Variants in LAMA2 observed in about 807,000 individuals in gnomAD.
The protein encoded by LAMA2 is laminin subunit alpha-2.
A neutral mutation model predicts 364.8 loss-of-function variants in LAMA2; 269 were observed. That is an observed-to-expected ratio of 0.74 (90% confidence interval 0.67 to 0.82). The LOEUF (loss-of-function observed/expected upper bound fraction) is 0.82. Among genes scored for constraint, LAMA2 ranks in the 40% least tolerant of loss-of-function variants. The probability of loss-of-function intolerance (pLI) is 0.00; values close to 1 mark genes in which losing one functional copy is unlikely to be tolerated. For synonymous variants in LAMA2, 1,379 were observed against 1,370.6 expected, an observed-to-expected ratio of 1.01 and a Z score of -0.14; for missense variants, 3,807 against 3,873.2, an observed-to-expected ratio of 0.98 and a Z score of 0.45.
chr6:129,427,957 T>A, intron 41 of LAMA2, 103 bp downstream of exon 41: 2 of 800,182 alleles, frequency 2.5e-6, no homozygotes, highest in Non-Finnish European at 4.3e-6. Context: ...AGCATGATTT[T>A]TGTGATGATT....
At chr6:129,070,491 A>T (rs1217531946) in intron 3 of LAMA2, among the ~76,000 whole-genome samples, 1 of 152,122 alleles carries the variant, frequency 6.6e-6, no homozygotes, top group South Asian at 2.1e-4. Flanking sequence ...TAATATTTCT[A>T]TGGAGAAAGC....
intron 1 of LAMA2, among the ~76,000 whole-genome samples, chr6:128,971,183 CTTTGAAGCAT>C (rs370011079): frequency 1.4e-3 from 220 of 152,270 alleles, no homozygotes; most frequent in Middle Eastern, 0.014. Context: ...AGTGAAAGCA[CTTTGAAGCAT>C]TTTGTTACAC....
At chr6:129,258,922 A>G (rs1329283738) in intron 14 of LAMA2, among the ~76,000 whole-genome samples, 2 of 152,078 alleles carry the variant, frequency 1.3e-5, no homozygotes, top group African/African-American at 4.8e-5. Flanking sequence ...GTTGTCCAAG[A>G]TGTGCCCCTA....
Position 129,320,599 on chromosome 6 carries a change from G to T in LAMA2, c.4120G>T (p.Ala1374Ser). 2.5e-6 allele frequency: 4 copies of T among 1,613,750 alleles called. No individual in the cohort carries two copies. The highest frequency in any genetic ancestry group is 3.4e-6 in the Non-Finnish European group (4 of 1,179,732). ...ACGTGGAACAACAATGACTCCTCCA[G>T]CTGACTTGATTGAAAAATGTGATTG... is the stretch of plus-strand genomic sequence containing the variant. ...QGRGTTMTPPADLIEKCDCPL... is the reference protein window; with the variant it reads ...QGRGTTMTPPSDLIEKCDCPL... Residue 1374 changes from alanine (A) to serine (S), a missense_variant, in exon 28 of 65, where the codon GCT becomes TCT. This residue lies in a region of LAMA2 where 3,333 missense variants were observed against 3,345.7 expected (regional missense o/e 1.00). Transcript: ENST00000421865.
intron 3 of LAMA2, among the ~76,000 whole-genome samples, chr6:129,097,565 G>A (rs7772780): frequency 0.097 from 14,676 of 152,072 alleles, 913 homozygotes; most frequent in African/African-American, 0.17. Flanking sequence ...GGTTCAATCC[G>A]TTGTCTTCAT....
chr6:129,219,290 C>A (rs1783633012), intron 12 of LAMA2, among the ~76,000 whole-genome samples: 1 of 152,154 alleles, frequency 6.6e-6, no homozygotes, highest in African/African-American at 2.4e-5. Flanking sequence ...CCATCTCACA[C>A]CAATTAGAAT....
At chr6:128,933,230 CTGTGTGTGTGTGTGTGTGTGTG>C (rs71028134) in intron 1 of LAMA2, among the ~76,000 whole-genome samples, 1 of 146,188 alleles carries the variant, frequency 6.8e-6, no homozygotes, top group African/African-American at 2.5e-5. Context: ...CCCTCTCTTT[CTGTGTGTGTGTGTGTGTGTGTG>C]TGTGTGTGTG....
chr6:129,252,522 C>T (rs1351916933), intron 14 of LAMA2, among the ~76,000 whole-genome samples: 2 of 152,084 alleles, frequency 1.3e-5, no homozygotes, highest in East Asian at 3.9e-4. Context: ...GATTCTTTCA[C>T]AATTGTCAGA....
intron 22 of LAMA2, among the ~76,000 whole-genome samples, chr6:129,301,080 T>C (rs560828937): frequency 9.9e-5 from 15 of 152,226 alleles, no homozygotes; most frequent in African/African-American, 3.6e-4. Context: ...AGCTGAACAC[T>C]TGAAATCTAC....
chr6:129,312,810 A>G (rs1379701213), intron 22 of LAMA2, 51 bp from the exon 23 acceptor site: 3 of 1,247,720 alleles, frequency 2.4e-6, no homozygotes, highest in East Asian at 2.4e-5. Flanking sequence ...AAATTTTAAG[A>G]TATTTCCCAT....
At chr6:129,411,379 G>GA (rs990763693) in intron 40 of LAMA2, among the ~76,000 whole-genome samples, 122 of 152,188 alleles carry the variant, frequency 8.0e-4, no homozygotes, top group African/African-American at 2.7e-3. Flanking sequence ...ATTTCTCATA[G>GA]AAAAAATGAT....
intron 27 of LAMA2, among the ~76,000 whole-genome samples, chr6:129,318,552 A>G (rs1774758903): frequency 6.6e-6 from 1 of 152,206 alleles, no homozygotes; most frequent in Admixed American, 6.5e-5. Context: ...TCCTCGGGCT[A>G]TAAAATTCCA....
intron 1 of LAMA2, among the ~76,000 whole-genome samples, chr6:129,038,503 G>A (rs113123595): frequency 4.6e-5 from 7 of 152,310 alleles, no homozygotes; most frequent in Non-Finnish European, 7.4e-5. Context: ...AAACCAGGGT[G>A]AGAAGATGGC....
At position 129,315,586 on chromosome 6, in the gene LAMA2, C is replaced by A. The variant is rs373992160; in HGVS notation, c.3666C>A (p.Asp1222Glu). The change falls in exon 25 of 65, where the codon GAC becomes GAA. Residue 1222 changes from aspartate to glutamate, a missense_variant. Asp to Glu is a conservative substitution (Grantham distance 45). Coordinates refer to ENST00000421865, the MANE Select transcript of LAMA2 (RefSeq NM_000426.4). ...ATCCAGAGATTGTTGCCCACATGGACCTGATGAGAGAAGATCTCCATTTGG... is the reference window on the plus strand; with the variant it reads ...ATCCAGAGATTGTTGCCCACATGGAACTGATGAGAGAAGATCTCCATTTGG... ...FQHPEIVAHM[D>E]LMREDLHLEP... 23 of 1,613,898 alleles carry A rather than the reference C, an allele frequency of 1.4e-5. No homozygotes were observed. In the African/African-American group the frequency reaches 2.9e-4, roughly 21 times the overall value.
chr6:128,911,883 A>G (rs1419734645), intron 1 of LAMA2, among the ~76,000 whole-genome samples: 1 of 152,140 alleles, frequency 6.6e-6, no homozygotes, highest in Non-Finnish European at 1.5e-5. Context: ...TTTCCTTTAT[A>G]TGAAACACCA....
At chr6:128,995,896 C>T (rs79979460) in intron 1 of LAMA2, among the ~76,000 whole-genome samples, 3,546 of 152,060 alleles carry the variant, frequency 0.023, 86 homozygotes, top group Admixed American at 0.078. Context: ...TTCTTTAGGA[C>T]GTTTAGAGTT....
intron 1 of LAMA2, among the ~76,000 whole-genome samples, chr6:128,971,585 G>A (rs768340640): frequency 6.6e-6 from 1 of 152,144 alleles, no homozygotes; most frequent in African/African-American, 2.4e-5. Flanking sequence ...CAGGCAGAGT[G>A]TCTAGAAGCA....
chr6:129,058,778 A>G lies in LAMA2; in HGVS notation c.284-1006A>G, dbSNP rs80104723. Among the ~76,000 whole-genome samples, 956 of 152,364 alleles carry G rather than the reference A, an allele frequency of 6.3e-3. 10 individuals carry two copies. Among genetic ancestry groups the G allele is most frequent in the African/African-American group, 0.022 (926 of 41,582 alleles). On this transcript the variant is annotated intron_variant, in intron 2 of 64. Transcript: ENST00000421865. ...GCTTGGTAGGTGAAAGGCATACAAAATGTATTTTAACATGCATAGCATGGA... is the reference window on the plus strand; with the variant it reads ...GCTTGGTAGGTGAAAGGCATACAAAGTGTATTTTAACATGCATAGCATGGA...
intron 3 of LAMA2, among the ~76,000 whole-genome samples, chr6:129,085,601 T>G (rs545519662): frequency 1.3e-5 from 2 of 152,188 alleles, no homozygotes; most frequent in African/African-American, 4.8e-5. Context: ...GGAAGGAACA[T>G]GAGCAGCCAA....
Sources: allele counts gnomAD v4.1 joint callset (sites outside exome capture counted in the v4.1 genomes callset), GRCh38; gene constraint gnomAD v4.1.1; regional missense constraint gnomAD v4.1.1; transcripts MANE v1.5; gene names NCBI Gene and HGNC (gene_info 2026-07-23, HGNC 2026-07-21).